The following TBC1D1 variants were observed in gnomAD, a reference collection of about 807,000 sequenced individuals.
The protein encoded by TBC1D1 is TBC1 (tre-2/USP6, BUB2, cdc16) domain family, member 1.
Under a neutral mutation model 125.6 loss-of-function variants are expected in TBC1D1, and 89 were observed. That is an observed-to-expected ratio of 0.71 (90% CI 0.60 to 0.85). The LOEUF is 0.85. Among genes scored for constraint, TBC1D1 ranks in the 40% least tolerant of loss-of-function variants. The pLI is 0.00. For missense variants in TBC1D1, 1,377 were observed against 1,469.2 expected, an observed-to-expected ratio of 0.94 and a Z score of 1.03; for synonymous variants, 565 against 564.1, an observed-to-expected ratio of 1.00 and a Z score of -0.02.
intron 12 of TBC1D1, among the ~76,000 whole-genome samples, chr4:38,081,489 A>G (rs1402004221): frequency 6.6e-6 from 1 of 151,968 alleles, no homozygotes; most frequent in African/African-American, 2.4e-5. Flanking sequence ...AAATGTTGGC[A>G]TTTTCTTCAT....
Position 38,103,144 on chromosome 4 carries a change from T to A in TBC1D1, c.2544T>A (p.Ile848=). ...AGCTGACTTCCCAGCAGCATGCGAT[T>A]CTTATTGACCTTGGTAAGTCTGTGC... The change falls in exon 15 of 20, where the codon ATT becomes ATA. Residue 848 remains isoleucine, a synonymous_variant. Coordinates refer to ENST00000261439, the MANE Select transcript of TBC1D1 (RefSeq NM_015173.4). 1 of 1,611,394 alleles carries A rather than the reference T, an allele frequency of 6.2e-7. No individual in the cohort carries two copies. Among genetic ancestry groups the A allele is most frequent in the Non-Finnish European group, 8.5e-7 (1 of 1,179,202 alleles).
At chr4:37,934,822 A>G (rs1252734012) in intron 2 of TBC1D1, among the ~76,000 whole-genome samples, 10 of 152,124 alleles carry the variant, frequency 6.6e-5, no homozygotes. Context: ...GCAGTAACAA[A>G]TGACCCCCAA....
rs537125973 is a variant in TBC1D1, at chr4:38,014,777, G to A, written c.686G>A (p.Arg229His). The A allele has an allele frequency of 1.8e-5, 29 of 1,610,496 alleles. No homozygotes were observed. The highest frequency in any genetic ancestry group is 1.6e-4 in the East Asian group (7 of 44,774). ...CCCACAGGGAGCCAGGAGCCTGTGC[G>A]CAGGCCCATGCGCAAGTCCTTCTCC... The change falls in exon 3 of 20, where the codon CGC becomes CAC. Residue 229 changes from arginine to histidine, a missense_variant. Transcript: ENST00000261439. This position sits in a 1 kb window ranked among gnomAD's most constrained non-coding sequence, Gnocchi z 5.1.
chr4:38,049,710 GA>G lies in TBC1D1; in HGVS notation c.1723del (p.Ser575ValfsTer23). The G allele has an allele frequency of 6.2e-7, 1 of 1,614,196 alleles. No homozygotes were observed. The highest frequency in any genetic ancestry group is 8.5e-7 in the Non-Finnish European group (1 of 1,180,044). On this transcript the variant is annotated frameshift_variant, in exon 11 of 20. Coordinates refer to ENST00000261439, the MANE Select transcript of TBC1D1 (RefSeq NM_015173.4). LOFTEE classifies it high-confidence loss of function. ...CGGAGGACCTGTCCAGTGACTCGGA[GA>G]GTCATCTCCCAGAAGAGCCAGCTCC...
chr4:37,902,022 G>A lies in TBC1D1; in HGVS notation c.-74G>A, dbSNP rs1577755848. On this transcript the variant is annotated 5_prime_UTR_variant, in exon 2 of 20. Transcript: ENST00000261439. Reference sequence around the variant, plus strand: ...CCCCAGGTTTCTGCATATGAAGTGTGTAAAATAGATTGCTTGATCCAAAAC... The same window carrying A: ...CCCCAGGTTTCTGCATATGAAGTGTATAAAATAGATTGCTTGATCCAAAAC... 1.4e-6 allele frequency: 2 copies of A among 1,464,354 alleles called. No individual in the cohort carries two copies. Among genetic ancestry groups the A allele is most frequent in the Non-Finnish European group, 1.8e-6 (2 of 1,085,686 alleles). 90.7% of individuals were successfully genotyped at this position (1,464,354 alleles called of 1,614,324 possible).
intron 1 of TBC1D1, among the ~76,000 whole-genome samples, chr4:37,893,356 TC>T (rs1462744762): frequency 6.6e-6 from 1 of 152,238 alleles, no homozygotes; most frequent in Non-Finnish European, 1.5e-5. Context: ...TTTGGGGACT[TC>T]CTGTATATGT....
At chr4:37,918,587 A>G (rs1338682879) in intron 2 of TBC1D1, among the ~76,000 whole-genome samples, 1 of 151,944 alleles carries the variant, frequency 6.6e-6, no homozygotes, top group Non-Finnish European at 1.5e-5. Context: ...AGCTGGGATT[A>G]CAGATGTGCG....
chr4:38,053,325 A>G (rs958609989), intron 11 of TBC1D1, 100 bp downstream of exon 13: 2 of 1,023,742 alleles, frequency 2.0e-6, no homozygotes, highest in African/African-American at 3.3e-5. Context: ...CATTTAAAAA[A>G]TCATTTCAGC....
At chr4:37,975,264 A>G (rs575391015) in intron 2 of TBC1D1, among the ~76,000 whole-genome samples, 313 of 152,298 alleles carry the variant, frequency 2.1e-3, no homozygotes, top group African/African-American at 7.2e-3. Flanking sequence ...AGAAAGAGAG[A>G]GACAGCTTAC....
At chr4:38,051,809 C>A in intron 11 of TBC1D1, 90 bp from the exon 12 acceptor site, 2 of 1,264,190 alleles carry the variant, frequency 1.6e-6, no homozygotes, top group African/African-American at 1.5e-5. Context: ...GAGACAAAAG[C>A]GGTGTGCTCC....
intron 6 of TBC1D1, among the ~76,000 whole-genome samples, chr4:38,025,176 C>T (rs914867674): frequency 2.0e-5 from 3 of 152,204 alleles, no homozygotes; most frequent in African/African-American, 4.8e-5. Context: ...TAACAAGGGC[C>T]GTTTCTGCAC....
chr4:38,040,689 G>A, intron 8 of TBC1D1, among the ~76,000 whole-genome samples: 1 of 152,294 alleles, frequency 6.6e-6, no homozygotes. Context: ...ATTGTAACTG[G>A]TGTTGAGTTG....
intron 6 of TBC1D1, among the ~76,000 whole-genome samples, chr4:38,023,491 A>C (rs76154523): frequency 6.6e-6 from 1 of 152,082 alleles, no homozygotes; most frequent in African/African-American, 2.4e-5. Context: ...TTAAATGCCA[A>C]CTCCGCTCCT....
At chr4:37,991,722 T>C (rs1736607432) in intron 2 of TBC1D1, among the ~76,000 whole-genome samples, 1 of 151,732 alleles carries the variant, frequency 6.6e-6, no homozygotes, top group Admixed American at 6.6e-5. Flanking sequence ...TAAAAGCAAA[T>C]CATAGGGACC....
chr4:38,019,754 A>G (rs913755465), intron 4 of TBC1D1, among the ~76,000 whole-genome samples: 1 of 152,210 alleles, frequency 6.6e-6, no homozygotes, highest in Admixed American at 6.5e-5. Flanking sequence ...TTTATTAAAA[A>G]TAGCTCTTAT....
intron 2 of TBC1D1, among the ~76,000 whole-genome samples, chr4:38,012,995 A>G (rs1228682750): frequency 2.6e-4 from 40 of 151,786 alleles, no homozygotes; most frequent in Admixed American, 2.4e-3. Context: ...GGGTTTCACT[A>G]TGTTGGCCAG....
At chr4:37,932,067 C>T (rs1283713403) in intron 2 of TBC1D1, among the ~76,000 whole-genome samples, 1 of 152,100 alleles carries the variant, frequency 6.6e-6, no homozygotes, top group African/African-American at 2.4e-5. Context: ...TGTTTTTCCC[C>T]CAGTAGCAGC....
At chr4:37,957,141 C>A (rs1051448436) in intron 2 of TBC1D1, among the ~76,000 whole-genome samples, 1 of 152,124 alleles carries the variant, frequency 6.6e-6, no homozygotes, top group Non-Finnish European at 1.5e-5. Context: ...AGAACATAAG[C>A]CCCTCATGAG....
In TBC1D1 at chr4:38,137,394, G is replaced by T; in HGVS notation, c.*59G>T. On this transcript the variant is annotated 3_prime_UTR_variant, in exon 20 of 20. Transcript: ENST00000261439. ...CACTGTCCAGGCCTTAACTGAGAGGGACAGAAGACGCTGGAAGGAGAGAAG... is the reference window on the plus strand; with the variant it reads ...CACTGTCCAGGCCTTAACTGAGAGGTACAGAAGACGCTGGAAGGAGAGAAG... 1.4e-6 allele frequency: 2 copies of T among 1,410,566 alleles called. No homozygotes were observed. The highest frequency in any genetic ancestry group is 5.1e-5 in the East Asian group (2 of 39,570). 87.4% of individuals were successfully genotyped at this position (1,410,566 alleles called of 1,614,324 possible).
Sources: gnomAD v4.1 joint callset for allele counts (sites outside exome capture counted in the v4.1 genomes callset) on GRCh38, gnomAD v4.1.1 for gene constraint, Gnocchi (gnomAD v3.1) non-coding constraint, MANE v1.5 for transcripts, NCBI Gene and HGNC (gene_info 2026-07-23, HGNC 2026-07-21) for gene names.